WDFY3: variants seen among roughly 807,000 people sequenced by gnomAD.
WDFY3 encodes the protein WD repeat and FYVE domain-containing protein 3.
WDFY3 carries 66 observed loss-of-function variants against 409.6 expected under a neutral mutation model. The observed-to-expected ratio is 0.16, with a 90% CI of 0.13 to 0.20. WDFY3 has a LOEUF of 0.20. Among genes scored for constraint, WDFY3 ranks in the 10% least tolerant of loss-of-function variants. The pLI is 1.00. For synonymous variants in WDFY3, 1,521 were observed against 1,537.1 expected (o/e 0.99, Z 0.25); for missense variants, 3,031 against 4,298.1 (o/e 0.71, Z 8.24).
At chr4:84,954,950 AT>A (rs1448576282) in intron 1 of WDFY3, among the ~76,000 whole-genome samples, 4 of 152,160 alleles carry the variant, frequency 2.6e-5, no homozygotes, top group African/African-American at 9.7e-5. Context: ...CGCTCCTGTA[AT>A]TTTGGCACTG....
At chr4:84,780,005 A>G in intron 26 of WDFY3, 103 bp downstream of exon 26, 1 of 1,262,706 alleles carries the variant, frequency 7.9e-7, no homozygotes, top group South Asian at 2.1e-5. Context: ...GTTTCCTTGG[A>G]CAATATAATT....
intron 2 of WDFY3, among the ~76,000 whole-genome samples, chr4:84,924,703 A>T (rs902730989): frequency 2.6e-5 from 4 of 152,186 alleles, no homozygotes; most frequent in African/African-American, 4.8e-5. Flanking sequence ...TTCCATCATC[A>T]TAAAGGAGTA....
chr4:84,872,796 C>T (rs1305126356), intron 3 of WDFY3, among the ~76,000 whole-genome samples: 1 of 151,952 alleles, frequency 6.6e-6, no homozygotes, highest in African/African-American at 2.4e-5. Flanking sequence ...GAGAAATATA[C>T]CATGCTAACT....
intron 59 of WDFY3, among the ~76,000 whole-genome samples, chr4:84,692,318 T>C (rs910299514): frequency 6.6e-6 from 1 of 152,068 alleles, no homozygotes; most frequent in African/African-American, 2.4e-5. Flanking sequence ...ACAAATGGCA[T>C]AGAATGGCAC....
intron 46 of WDFY3, among the ~76,000 whole-genome samples, chr4:84,722,885 A>G (rs1017637198): frequency 6.6e-5 from 10 of 152,224 alleles, no homozygotes; most frequent in African/African-American, 1.9e-4. Context: ...AACAAGTGTA[A>G]TAAGTAAGCA....
intron 5 of WDFY3, among the ~76,000 whole-genome samples, chr4:84,849,297 A>G (rs926610547): frequency 6.6e-6 from 1 of 152,154 alleles, no homozygotes; most frequent in African/African-American, 2.4e-5. Flanking sequence ...AGACACATGC[A>G]CAATGACCAC....
rs551493870 is a variant in WDFY3 at position 84,944,594 on chromosome 4, C to T, written c.-225-12231G>A. ...ATCCCAGCACTTTGTGGGGCTGTGGCGGATGGATCATCTGAGGTCAAGAGT... is the reference window on the plus strand; with the variant it reads ...ATCCCAGCACTTTGTGGGGCTGTGGTGGATGGATCATCTGAGGTCAAGAGT... On this transcript the variant is annotated intron_variant, in intron 1 of 67. Transcript: ENST00000295888. Among the ~76,000 whole-genome samples, 431 of 151,310 alleles carry T rather than the reference C, an allele frequency of 2.8e-3. 3 individuals carry two copies. Among genetic ancestry groups the T allele is most frequent in the Admixed American group, 5.2e-3 (79 of 15,180 alleles).
intron 36 of WDFY3, among the ~76,000 whole-genome samples, chr4:84,745,932 T>G (rs1006420171): frequency 1.3e-5 from 2 of 152,002 alleles, no homozygotes; most frequent in Non-Finnish European, 2.9e-5. Flanking sequence ...TCAGAGACCA[T>G]TTTTTCCAAT....
rs766311247 is a variant in WDFY3 at position 84,774,961 on chromosome 4, T to C, written c.4613A>G (p.Lys1538Arg). The change falls in exon 29 of 68, where the codon AAA (lysine) becomes AGA (arginine). Residue 1538 changes from lysine (K) to arginine (R), a missense_variant. Lys to Arg is a conservative substitution (Grantham distance 26). This residue lies in a region of WDFY3 where 342 missense variants were observed against 463.7 expected (regional missense o/e 0.74). Coordinates refer to ENST00000295888, the MANE Select transcript of WDFY3 (RefSeq NM_014991.6). Reference protein sequence around the residue: ...TESSEASKNAKLMREFQLIPK... With the variant: ...TESSEASKNARLMREFQLIPK... The stretch of plus-strand genomic sequence containing the variant: ...GATTAACTGGAATTCTCTCATTAAT[T>C]TGGCATTCTTTGAGGCTTCACTATA... 5 of 1,613,876 alleles carry C rather than the reference T, an allele frequency of 3.1e-6. No homozygotes were observed. Among genetic ancestry groups the C allele is most frequent in the Non-Finnish European group, 3.4e-6 (4 of 1,179,874 alleles).
chr4:84,839,975 T>C (rs1344842867), intron 6 of WDFY3, among the ~76,000 whole-genome samples: 1 of 152,084 alleles, frequency 6.6e-6, no homozygotes, highest in Non-Finnish European at 1.5e-5. Flanking sequence ...TACTGACAGG[T>C]TTCAGGATAT....
Position 84,678,259 on chromosome 4 carries a change from G to A in WDFY3, c.10168C>T (p.Leu3390=), listed in dbSNP as rs1422547874. 3 of 1,614,012 alleles carry A rather than the reference G, an allele frequency of 1.9e-6. No individual in the cohort carries two copies. The highest frequency in any genetic ancestry group is 2.5e-6 in the Non-Finnish European group (3 of 1,179,958). ...LKPGYRWERQ[L]VFRSKLTMHT... ...ATAGTCAGCTTACTCCTGAACACCA[G>A]CTGCCGTTCCCATCGGTACCCTGGA... is the stretch of plus-strand genomic sequence containing the variant. The change falls in exon 66 of 68, where the codon CTG becomes TTG. Residue 3390 remains leucine (L), a synonymous_variant. Transcript: ENST00000295888.
At chr4:84,820,230 T>G (rs1276762590) in intron 11 of WDFY3, 44 bp from the exon 12 acceptor site, 21 of 1,468,576 alleles carry the variant, frequency 1.4e-5, no homozygotes, top group Non-Finnish European at 1.9e-5. Flanking sequence ...GTGATAAGCT[T>G]ATTTTTTCTT....
At chr4:84,718,133 T>C (rs1734269298) in intron 48 of WDFY3, among the ~76,000 whole-genome samples, 1 of 151,344 alleles carries the variant, frequency 6.6e-6, no homozygotes. Context: ...AAAAGGACCA[T>C]TTATAAATTC....
At chr4:84,884,638 CAAT>C (rs1422871793) in intron 3 of WDFY3, among the ~76,000 whole-genome samples, 2 of 152,070 alleles carry the variant, frequency 1.3e-5, no homozygotes, top group African/African-American at 4.8e-5. Context: ...TAACAGGTAA[CAAT>C]GATCACGAAA....
chr4:84,780,120 G>A lies in WDFY3; in HGVS notation c.4353C>T (p.Ile1451=), dbSNP rs1455396160. 3.1e-6 allele frequency: 5 copies of A among 1,602,450 alleles called. No individual in the cohort carries two copies. The South Asian group carries it at 5.7e-5, about 18-fold the overall frequency. ...TACAGTTACAAACCTGGTAGCCCTT[G>A]ATTCTTTCCATTTCTTTGCTGGCTA... The part of the protein sequence containing the change: ...NPLASKEMER[I]KGYQLLAMLL... Residue 1451 remains isoleucine, a synonymous_variant, in exon 26 of 68, where the codon ATC becomes ATT. Transcript: ENST00000295888.
chr4:84,696,195 A>G lies in WDFY3; in HGVS notation c.8689-13T>C, dbSNP rs1385634983. ...CACACTCCAAAGCCTGTAATTTCAA[A>G]CATAGGTTTAGTCACTGGCTGACTT... On this transcript the variant is annotated splice_polypyrimidine_tract_variant and intron_variant, in intron 57 of 67. Transcript: ENST00000295888. The G allele has an allele frequency of 2.5e-6, 4 of 1,613,286 alleles. No homozygotes were observed. Among genetic ancestry groups the G allele is most frequent in the African/African-American group, 1.3e-5 (1 of 75,042 alleles).
chr4:84,953,594 T>C (rs917442732), intron 1 of WDFY3, among the ~76,000 whole-genome samples: 1 of 152,142 alleles, frequency 6.6e-6, no homozygotes, highest in African/African-American at 2.4e-5. Flanking sequence ...AGGGAAGTCA[T>C]ACTTAGTACA....
At position 84,857,581 on chromosome 4, in the gene WDFY3, A is replaced by G. The variant is rs114309435; in HGVS notation, c.180+2831T>C. 6.8e-3 allele frequency among the ~76,000 whole-genome samples: 1,043 copies of G among 152,296 alleles called. 14 individuals carry two copies. The highest frequency in any genetic ancestry group is 0.022 in the African/African-American group (920 of 41,568). On this transcript the variant is annotated intron_variant, in intron 4 of 67. Transcript: ENST00000295888. ...ATTTAAAAACAAAACAAACTTCCAGATAACAAAAATTATTAACTTCCTGGT... is the reference window on the plus strand; with the variant it reads ...ATTTAAAAACAAAACAAACTTCCAGGTAACAAAAATTATTAACTTCCTGGT...
chr4:84,890,778 G>C lies in WDFY3; in HGVS notation c.-32+6133C>G, dbSNP rs183896984. On this transcript the variant is annotated intron_variant, in intron 3 of 67. Transcript: ENST00000295888. ...AATAGGTAAGTGAGCATGTATTGCT[G>C]TGTTCAAATAAATACTGACATTTGA... 1.8e-3 allele frequency among the ~76,000 whole-genome samples: 271 copies of C among 152,298 alleles called. 1 individual carries two copies. Among genetic ancestry groups the C allele is most frequent in the Non-Finnish European group, 2.3e-3 (158 of 68,022 alleles).
Sources: allele counts gnomAD v4.1 joint callset (sites outside exome capture counted in the v4.1 genomes callset), GRCh38; gene constraint gnomAD v4.1.1; regional missense constraint gnomAD v4.1.1; transcripts MANE v1.5; gene names NCBI Gene and HGNC (gene_info 2026-07-23, HGNC 2026-07-21).